The following BMX variants were observed in gnomAD, a reference collection of about 807,000 sequenced individuals.
BMX encodes the protein cytoplasmic tyrosine-protein kinase BMX.
BMX carries 31 observed loss-of-function variants against 59.2 expected under a neutral mutation model. That is an observed-to-expected ratio of 0.52 (90% CI 0.39 to 0.71). The LOEUF is 0.71. BMX is among the 30% of genes least tolerant of loss of function. The pLI, the probability that BMX is intolerant of heterozygous loss-of-function variation, is 0.00. For missense variants in BMX, 474 were observed against 491.7 expected, an observed-to-expected ratio of 0.96 and a Z score of 0.34; for synonymous variants, 185 against 181.0, an observed-to-expected ratio of 1.02 and a Z score of -0.18.
chrX:15,543,166 A>G (rs1925777419), intron 16 of BMX, 31 bp downstream of exon 16: 1 of 1,161,542 alleles, frequency 8.6e-7, no homozygotes, highest in African/African-American at 1.8e-5. Context: ...CAACCAGTGA[A>G]AGGGGGATTT....
chrX:15,517,870 AGT>A, intron 5 of BMX, 57 bp from the exon 6 acceptor site: 1 of 972,505 alleles, frequency 1.0e-6, no homozygotes, highest in South Asian at 2.0e-5. Flanking sequence ...CATAACATTG[AGT>A]GTTTCTCTTT....
intron 18 of BMX, 122 bp from the exon 19 acceptor site, chrX:15,555,951 T>C: frequency 3.1e-6 from 2 of 639,426 alleles, no homozygotes; most frequent in Non-Finnish European, 2.4e-6. Flanking sequence ...GAAATGTCTG[T>C]TGTGTTTCCA....
intron 1 of BMX, among the ~76,000 whole-genome samples, chrX:15,505,247 C>A (rs575531026): frequency 8.9e-6 from 1 of 111,762 alleles, no homozygotes; most frequent in East Asian, 2.8e-4. Context: ...AAAGGCAAGC[C>A]CAAGCCTGAG....
intron 2 of BMX, 28 bp downstream of exon 2, chrX:15,508,519 T>C: frequency 9.2e-7 from 1 of 1,088,062 alleles, no homozygotes; most frequent in Non-Finnish European, 1.2e-6. Context: ...CCATTATTTT[T>C]ATACTATTTA....
At position 15,543,648 on chromosome X, in the gene BMX, A is replaced by T. The variant is rs199803324; in HGVS notation, c.1676+513A>T. On this transcript the variant is annotated intron_variant, in intron 16 of 18. Transcript: ENST00000348343. The stretch of plus-strand genomic sequence containing the variant: ...TGCTAGCTCTTTTTGTCTGTCATTA[A>T]AAAAAAAACCTGATGTTCAAATGGG... Among the ~76,000 whole-genome samples, 3 of 25,305 alleles carry T rather than the reference A, an allele frequency of 1.2e-4. No homozygotes were observed. In the East Asian group the frequency reaches 0.058, roughly 487 times the overall value. The allele number at this position is 25,305 out of a possible 115,157, so 22.0% of individuals were successfully genotyped here. A position where few individuals can be genotyped will look rare whatever the true frequency, so the allele number is the denominator to read the frequency against.
chrX:15,521,703 C>T (rs903310833), intron 6 of BMX, among the ~76,000 whole-genome samples: 1 of 111,364 alleles, frequency 9.0e-6, no homozygotes, highest in Non-Finnish European at 1.9e-5. Context: ...CCTCACAGCT[C>T]TCTAATCTCT....
intron 11 of BMX, among the ~76,000 whole-genome samples, chrX:15,532,132 C>T (rs770838463): frequency 9.0e-6 from 1 of 111,121 alleles, no homozygotes; most frequent in South Asian, 3.9e-4. Context: ...ACATAGTAAG[C>T]ACTTAATAAA....
chrX:15,517,683 G>C (rs1924225642), intron 5 of BMX, among the ~76,000 whole-genome samples: 1 of 112,430 alleles, frequency 8.9e-6, no homozygotes, highest in African/African-American at 3.2e-5. Flanking sequence ...AAGAGAAAAA[G>C]TTAGGTGTCT....
At chrX:15,542,961 G>T in intron 15 of BMX, 110 bp from the exon 16 acceptor site, 2 of 702,703 alleles carry the variant, frequency 2.8e-6, no homozygotes, top group Non-Finnish European at 4.4e-6. Flanking sequence ...GCACTTGGGG[G>T]TTGTGCTAGG....
At chrX:15,507,382 T>C (rs1331631507) in intron 1 of BMX, 4 of 754,395 alleles carry the variant, frequency 5.3e-6, no homozygotes, top group Non-Finnish European at 6.3e-6. Flanking sequence ...AGGACCCACA[T>C]GTATACTTCG....
At chrX:15,521,109 C>T (rs1385508671) in intron 6 of BMX, among the ~76,000 whole-genome samples, 2 of 111,855 alleles carry the variant, frequency 1.8e-5, no homozygotes, top group African/African-American at 6.5e-5. Context: ...AAGTGTTCAG[C>T]TTGATGAATT....
At chrX:15,531,438 C>G in intron 11 of BMX, 31 bp downstream of exon 11, 1 of 1,082,118 alleles carries the variant, frequency 9.2e-7, no homozygotes, top group Non-Finnish European at 1.3e-6. Flanking sequence ...TTTCTTTTCT[C>G]TTTCTGCGTA....
At chrX:15,504,619 C>T (rs1923677834) in intron 1 of BMX, among the ~76,000 whole-genome samples, 1 of 112,354 alleles carries the variant, frequency 8.9e-6, no homozygotes, top group South Asian at 3.6e-4. Context: ...ACTCTCATGA[C>T]ATCATTTCCT....
intron 18 of BMX, among the ~76,000 whole-genome samples, chrX:15,552,673 G>A (rs1311496588): frequency 1.8e-5 from 2 of 112,104 alleles, no homozygotes; most frequent in East Asian, 5.6e-4. Flanking sequence ...TAAAAATTCA[G>A]ATGCACACAG....
chrX:15,523,927 C>A (rs1220804021), intron 7 of BMX, among the ~76,000 whole-genome samples: 1 of 112,209 alleles, frequency 8.9e-6, no homozygotes. Context: ...TGATTGATCA[C>A]CTCTTAGCAT....
intron 12 of BMX, among the ~76,000 whole-genome samples, chrX:15,534,740 T>TA (rs1423879823): frequency 9.0e-6 from 1 of 111,547 alleles, no homozygotes; most frequent in East Asian, 2.8e-4. Context: ...AATCATTACA[T>TA]ATATAAATAG....
chrX:15,520,809 T>C (rs1212547514), intron 6 of BMX, among the ~76,000 whole-genome samples: 1 of 111,196 alleles, frequency 9.0e-6, no homozygotes, highest in Non-Finnish European at 1.9e-5. Context: ...AGTTGTTCTG[T>C]TCAAAGAGAT....
At chrX:15,551,168 T>A (rs1926179142) in intron 18 of BMX, among the ~76,000 whole-genome samples, 1 of 112,020 alleles carries the variant, frequency 8.9e-6, no homozygotes, top group African/African-American at 3.2e-5. Context: ...AGTAACATGA[T>A]AAAAGGAGGC....
At chrX:15,533,839 A>G (rs1226491449) in intron 11 of BMX, among the ~76,000 whole-genome samples, 2 of 111,096 alleles carry the variant, frequency 1.8e-5, no homozygotes, top group Non-Finnish European at 3.8e-5. Flanking sequence ...CTCCATTATT[A>G]TCCTATAAGA....
Sources: allele counts gnomAD v4.1 joint callset (sites outside exome capture counted in the v4.1 genomes callset), GRCh38; gene constraint gnomAD v4.1.1; transcripts MANE v1.5; gene names NCBI Gene and HGNC (gene_info 2026-07-23, HGNC 2026-07-21).